NOA1: variants seen among roughly 807,000 people sequenced by gnomAD.
The protein encoded by NOA1 is nitric oxide associated 1.
A neutral mutation model predicts 58.4 loss-of-function variants in NOA1; 35 were observed. The observed-to-expected ratio is 0.60, with a 90% CI of 0.46 to 0.79. The LOEUF is 0.79. Ranked by LOEUF, NOA1 falls within the 30% of genes least tolerant of loss-of-function variation. The probability of loss-of-function intolerance (pLI) is 0.00; values close to 1 mark genes in which losing one functional copy is unlikely to be tolerated. For synonymous variants in NOA1, 397 were observed against 373.4 expected (o/e 1.06, Z -0.73); for missense variants, 895 against 894.6 (o/e 1.00, Z -0.01).
chr4:56,973,929 T>C lies in NOA1; in HGVS notation c.1238A>G (p.Gln413Arg). ...RHQRLKKDSTQAEEDLSEQEQ... is the reference protein window; with the variant it reads ...RHQRLKKDSTRAEEDLSEQEQ... ...TTGCTCACTAAGATCTTCTTCAGCT[T>C]GAGTTGAATCTTTTTTAAGTCTTTG... Residue 413 changes from glutamine (Q) to arginine (R), a missense_variant, in exon 2 of 7, where the codon CAA (glutamine) becomes CGA (arginine). Physicochemically the swap from Gln to Arg is conservative, Grantham distance 43. Coordinates refer to ENST00000264230, the MANE Select transcript of NOA1 (RefSeq NM_032313.4). 2.5e-6 allele frequency: 4 copies of C among 1,614,142 alleles called. No individual in the cohort carries two copies. The highest frequency in any genetic ancestry group is 3.4e-6 in the Non-Finnish European group (4 of 1,179,996).
chr4:56,968,914 C>G (rs1036836484), intron 3 of NOA1, among the ~76,000 whole-genome samples: 2 of 152,168 alleles, frequency 1.3e-5, no homozygotes, highest in Middle Eastern at 3.2e-3. Context: ...GTATACGTGA[C>G]CTTATGTCCT....
At chr4:56,966,045 T>TG (rs796428025) in intron 5 of NOA1, among the ~76,000 whole-genome samples, 208 of 122,902 alleles carry the variant, frequency 1.7e-3, no homozygotes, top group African/African-American at 6.4e-3. Context: ...TTTTTTGAGA[T>TG]GGAGTCTCTG....
Position 56,977,264 on chromosome 4 carries a change from G to C in NOA1, c.322C>G (p.Arg108Gly), listed in dbSNP as rs1231937581. The C allele has an allele frequency of 1.9e-6, 3 of 1,611,432 alleles. No individual in the cohort carries two copies. The highest frequency in any genetic ancestry group is 2.5e-6 in the Non-Finnish European group (3 of 1,179,092). ...QEEEERQRQQ[R>G]REERRQQNLR... ...TTTTGCTGTCGCCGCTCCTCCCGCC[G>C]CTGCTGCCTCTGTCGCTCCTCCTCC... The change falls in exon 1 of 7, where the codon CGG becomes GGG. Residue 108 changes from arginine (R) to glycine (G), a missense_variant. This residue lies in a region of NOA1 where 680 missense variants were observed against 656.5 expected (regional missense o/e 1.04). Transcript: ENST00000264230.
At position 56,976,604 on chromosome 4, in the gene NOA1, T is replaced by G; in HGVS notation, c.982A>C (p.Ile328Leu). 2.5e-6 allele frequency: 4 copies of G among 1,614,144 alleles called. No homozygotes were observed. Among genetic ancestry groups the G allele is most frequent in the Non-Finnish European group, 3.4e-6 (4 of 1,180,008 alleles). Residue 328 changes from isoleucine to leucine, a missense_variant, in exon 1 of 7, where the codon ATC (isoleucine) becomes CTC (leucine). Physicochemically the swap from Ile to Leu is conservative, Grantham distance 5. Around this residue, in one of 3 missense-constraint regions of NOA1, gnomAD observed 680 missense variants for 656.5 expected, o/e 1.04. Coordinates refer to ENST00000264230, the MANE Select transcript of NOA1 (RefSeq NM_032313.4). ...AKTGYGVEEL[I>L]SALQRSWRYR... Reference sequence around the variant, plus strand: ...CGCCAGGAGCGCTGAAGGGCAGAGATCAACTCTTCCACTCCATAGCCGGTC... The same window carrying G: ...CGCCAGGAGCGCTGAAGGGCAGAGAGCAACTCTTCCACTCCATAGCCGGTC...
At chr4:56,971,842 T>TGGATAAAAGAGAGGCATAG (rs1721816378) in intron 3 of NOA1, among the ~76,000 whole-genome samples, 1 of 151,622 alleles carries the variant, frequency 6.6e-6, no homozygotes, top group Admixed American at 6.6e-5. Context: ...CATGAGCAAT[T>TGGATAAAAGAGAGGCATAG]GGATAAAAGA....
chr4:56,974,917 G>C (rs906804610), intron 1 of NOA1, among the ~76,000 whole-genome samples: 34 of 151,934 alleles, frequency 2.2e-4, no homozygotes, highest in African/African-American at 8.2e-4. Flanking sequence ...GGGCAGGTCT[G>C]GTCTGGAACT....
At chr4:56,965,057 T>C (rs1721671879) in intron 5 of NOA1, among the ~76,000 whole-genome samples, 1 of 151,984 alleles carries the variant, frequency 6.6e-6, no homozygotes, top group Non-Finnish European at 1.5e-5. Flanking sequence ...TGGAGTGTAA[T>C]GGCACGATAT....
rs111556287 is a variant in NOA1, at chr4:56,965,285, G to A, written c.1765-759C>T. On this transcript the variant is annotated intron_variant, in intron 5 of 6. Transcript: ENST00000264230. ...CCCAAAGTGCTGGGATTACAGGTGT[G>A]AGCCACTGCGCTTGGCTGTAACTGG... 3.2e-3 allele frequency among the ~76,000 whole-genome samples: 488 copies of A among 152,212 alleles called. 2 individuals are homozygous for A. The highest frequency in any genetic ancestry group is 0.011 in the African/African-American group (464 of 41,538).
chr4:56,964,171 G>A (rs1206076853), intron 6 of NOA1, among the ~76,000 whole-genome samples: 2 of 151,830 alleles, frequency 1.3e-5, no homozygotes, highest in South Asian at 2.1e-4. Context: ...GGGTTCAAGC[G>A]ATTCTCCTGC....
At chr4:56,964,944 A>C (rs992209878) in intron 5 of NOA1, among the ~76,000 whole-genome samples, 1 of 152,092 alleles carries the variant, frequency 6.6e-6, no homozygotes, top group African/African-American at 2.4e-5. Context: ...TCCATATATA[A>C]TGGATAAGAT....
chr4:56,974,062 TAAGGGGGAAGAAAATGAAC>T, intron 1 of NOA1, 40 bp from the exon 2 acceptor site: 1 of 1,481,798 alleles, frequency 6.7e-7, no homozygotes, highest in Non-Finnish European at 9.4e-7. Context: ...CAAAAGGGAA[TAAGGGGGAAGAAAATGAAC>T]ATTTTTGAGG....
chr4:56,976,311 G>A (rs1721919586), intron 1 of NOA1, 131 bp downstream of exon 1: 1 of 724,740 alleles, frequency 1.4e-6, no homozygotes, highest in Non-Finnish European at 2.3e-6. Flanking sequence ...CCAGAGTGGG[G>A]AGAGAATTTG....
At chr4:56,967,504 A>G (rs1218446919) in intron 4 of NOA1, among the ~76,000 whole-genome samples, 6 of 152,222 alleles carry the variant, frequency 3.9e-5, no homozygotes. Context: ...ACAAAGTATG[A>G]GCAAACACAA....
In NOA1 at chr4:56,976,672, C is replaced by G. The variant is rs370242257; in HGVS notation, c.914G>C (p.Trp305Ser). 7.8e-5 allele frequency: 126 copies of G among 1,613,630 alleles called. No homozygotes were observed. The highest frequency in any genetic ancestry group is 9.2e-5 in the Non-Finnish European group (108 of 1,179,706). Residue 305 changes from tryptophan to serine, a missense_variant, in exon 1 of 7, where the codon TGG becomes TCG. Coordinates refer to ENST00000264230, the MANE Select transcript of NOA1 (RefSeq NM_032313.4). ...QDGENPNPPN[W>S]SRTVVRDVRL... ...CACGTCCCTGACCACTGTGCGGGAC[C>G]AGTTCGGCGGATTCGGATTCTCCCC...
Position 56,963,665 on chromosome 4 carries a change from T to C in NOA1, c.1886-4A>G, listed in dbSNP as rs1358293982. ...TTAGGTGTTACTGAAACCCAACCTA[T>C]GCAGGCATGTGACACAACACAAAAG... On this transcript the variant is annotated splice_polypyrimidine_tract_variant and splice_region_variant and intron_variant, in intron 6 of 6. Transcript: ENST00000264230. The C allele has an allele frequency of 1.9e-5, 30 of 1,611,882 alleles. No individual in the cohort carries two copies. Among genetic ancestry groups the C allele is most frequent in the Middle Eastern group, 1.7e-4 (1 of 6,056 alleles).
intron 1 of NOA1, among the ~76,000 whole-genome samples, chr4:56,975,288 G>A (rs937236341): frequency 4.0e-5 from 6 of 151,532 alleles, no homozygotes; most frequent in African/African-American, 1.5e-4. Context: ...CTCCCAAAGT[G>A]CTAGAATTAC....
chr4:56,968,420 C>T lies in NOA1; in HGVS notation c.1611G>A (p.Leu537=), dbSNP rs1472794247. The part of the protein sequence containing the change: ...RTFVLKPGMV[L]FLGAIGRIDF... ...CTATGCGGCCTATAGCACCCAAAAACAGAACCATTCCTGGTTTAAGCACAA... is the reference window on the plus strand; with the variant it reads ...CTATGCGGCCTATAGCACCCAAAAATAGAACCATTCCTGGTTTAAGCACAA... The change falls in exon 4 of 7, where the codon CTG becomes CTA. Residue 537 remains leucine (L), a synonymous_variant. Transcript: ENST00000264230. 6.2e-7 allele frequency: 1 copy of T among 1,612,948 alleles called. No homozygotes were observed. The highest frequency in any genetic ancestry group is 1.3e-5 in the African/African-American group (1 of 74,880).
rs1560466816 is a variant in NOA1 at position 56,977,451 on chromosome 4, T to C, written c.135A>G (p.Ser45=). The change falls in exon 1 of 7, where the codon TCA becomes TCG. Residue 45 remains serine (S), a synonymous_variant. Transcript: ENST00000264230. ...AAGGAAGCTCGCGTCCCAGACTCGA[T>C]GAGTGCTGGAAGGAGGAGGCGGCAG... The part of the protein sequence containing the change: ...RCAAASSFQH[S]SSLGRELPYD... 1 of 1,614,060 alleles carries C rather than the reference T, an allele frequency of 6.2e-7. No individual in the cohort carries two copies. Among genetic ancestry groups the C allele is most frequent in the East Asian group, 2.2e-5 (1 of 44,882 alleles).
At position 56,977,479 on chromosome 4, in the gene NOA1, C is replaced by A. The variant is rs759931330; in HGVS notation, c.107G>T (p.Cys36Phe). 246 of 1,613,806 alleles carry A rather than the reference C, an allele frequency of 1.5e-4. 1 individual carries two copies. In the Admixed American group the frequency reaches 4.0e-3, roughly 26 times the overall value. Residue 36 changes from cysteine (C) to phenylalanine (F), a missense_variant, in exon 1 of 7, where the codon TGC (cysteine) becomes TTC (phenylalanine). Cys to Phe is a radical substitution (Grantham distance 205). Around this residue, in one of 3 missense-constraint regions of NOA1, gnomAD observed 680 missense variants for 656.5 expected, o/e 1.04. Transcript: ENST00000264230. Reference protein sequence around the residue: ...GLREPLLERRCAAASSFQHSS... With the variant: ...GLREPLLERRFAAASSFQHSS... ...GTGCTGGAAGGAGGAGGCGGCAGCG[C>A]ACCTCCTCTCCAGGAGCGGCTCCCG...
Sources: allele counts gnomAD v4.1 joint callset (sites outside exome capture counted in the v4.1 genomes callset), GRCh38; gene constraint gnomAD v4.1.1; regional missense constraint gnomAD v4.1.1; transcripts MANE v1.5; gene names NCBI Gene and HGNC (gene_info 2026-07-23, HGNC 2026-07-21).